Variants in CAPN8 observed in about 807,000 individuals in gnomAD.
The protein encoded by CAPN8 is calpain 8.
Under a neutral mutation model 80.9 loss-of-function variants are expected in CAPN8, and 87 were observed. The observed-to-expected ratio is 1.07, with a 90% confidence interval of 0.90 to 1.28. CAPN8 has a LOEUF of 1.28. Ranked by LOEUF, CAPN8 falls within the 50% of genes most tolerant of loss-of-function variation. CAPN8 has a pLI of 0.00. For synonymous variants in CAPN8, 299 were observed against 273.8 expected, an observed-to-expected ratio of 1.09 and a Z score of -0.91; for missense variants, 757 against 702.0, an observed-to-expected ratio of 1.08 and a Z score of -0.89.
intron 10 of CAPN8, among the ~76,000 whole-genome samples, chr1:223,614,779 C>T (rs907007348): frequency 2.0e-5 from 3 of 152,204 alleles, no homozygotes; most frequent in Admixed American, 6.5e-5. Flanking sequence ...TAGATGCTCA[C>T]TACAGTTTGT....
intron 15 of CAPN8, among the ~76,000 whole-genome samples, chr1:223,549,961 G>A (rs951794221): frequency 6.6e-6 from 1 of 152,188 alleles, no homozygotes; most frequent in Non-Finnish European, 1.5e-5. Flanking sequence ...GTCACAACCA[G>A]TAGGGGGCAA....
rs529585726 is a variant in CAPN8 at position 223,654,358 on chromosome 1, C to T, written c.279G>A (p.Thr93=). The T allele has an allele frequency of 8.1e-5, 126 of 1,551,674 alleles. No individual in the cohort carries two copies. The highest frequency in any genetic ancestry group is 9.9e-5 in the Non-Finnish European group (113 of 1,146,974). The change falls in exon 2 of 21, where the codon ACG becomes ACA. Residue 93 remains threonine, a synonymous_variant. Coordinates refer to ENST00000366872, the MANE Select transcript of CAPN8 (RefSeq NM_001143962.2). ...PSPQFIVGGA[T]RTDICQGGLG... ...GACCACCCTGACAAATGTCTGTGCG[C>T]GTGGCTCCACCAACGATAAACTGAG...
At chr1:223,622,347 C>A (rs1459824765) in intron 7 of CAPN8, among the ~76,000 whole-genome samples, 1 of 152,108 alleles carries the variant, frequency 6.6e-6, no homozygotes, top group African/African-American at 2.4e-5. Context: ...GAGCGAGTGC[C>A]GCTGCCTCAT....
At chr1:223,620,901 G>A (rs1057064096) in intron 7 of CAPN8, among the ~76,000 whole-genome samples, 6 of 151,642 alleles carry the variant, frequency 4.0e-5, no homozygotes, top group Admixed American at 6.6e-5. Context: ...TGACCTTTAC[G>A]AAGTTAGGTT....
chr1:223,634,593 T>C (rs1390435389), intron 2 of CAPN8, among the ~76,000 whole-genome samples: 1 of 152,164 alleles, frequency 6.6e-6, no homozygotes, highest in African/African-American at 2.4e-5. Context: ...AACACAAGTC[T>C]AGAGGCTGGG....
In CAPN8 at chr1:223,641,366, T is replaced by TTAA. The variant is rs1553338764; in HGVS notation, c.308-12587_308-12586insTTA. On this transcript the variant is annotated intron_variant, in intron 2 of 20. Transcript: ENST00000366872. ...GTAAGATACTGATCAAGCCTTTTTT[T>TTAA]AAAAAAAAAAAAACTGTTTACTAAG... Among the ~76,000 whole-genome samples the TTAA allele has an allele frequency of 3.4e-4, 50 of 146,138 alleles. 1 individual carries two copies. The highest frequency in any genetic ancestry group is 3.6e-3 in the Middle Eastern group (1 of 276).
At chr1:223,656,766 C>T (rs1658505618) in intron 1 of CAPN8, among the ~76,000 whole-genome samples, 1 of 148,514 alleles carries the variant, frequency 6.7e-6, no homozygotes. Flanking sequence ...TCACTGCAAG[C>T]TCCGCCTCCC....
chr1:223,622,673 C>T, intron 7 of CAPN8, 142 bp downstream of exon 7: 1 of 678,084 alleles, frequency 1.5e-6, no homozygotes, highest in Non-Finnish European at 2.6e-6. Context: ...CCATTTAATA[C>T]TCTTTTCTGA....
chr1:223,658,213 A>C (rs1469098499), intron 1 of CAPN8, among the ~76,000 whole-genome samples: 1 of 152,162 alleles, frequency 6.6e-6, no homozygotes, highest in Non-Finnish European at 1.5e-5. Flanking sequence ...TGTATCTTCA[A>C]TTACCTGTGT....
At chr1:223,548,288 T>C (rs1417507122) in intron 16 of CAPN8, among the ~76,000 whole-genome samples, 1 of 152,206 alleles carries the variant, frequency 6.6e-6, no homozygotes, top group African/African-American at 2.4e-5. Context: ...GGACCCACTG[T>C]GGGCAAAGCT....
At chr1:223,610,169 A>G (rs1360321358) in intron 11 of CAPN8, among the ~76,000 whole-genome samples, 2 of 152,246 alleles carry the variant, frequency 1.3e-5, no homozygotes, top group Non-Finnish European at 2.9e-5. Flanking sequence ...GACAGAGGCC[A>G]GGTGCTGATA....
intron 2 of CAPN8, among the ~76,000 whole-genome samples, chr1:223,633,267 T>C (rs1031079209): frequency 1.3e-5 from 2 of 151,632 alleles, no homozygotes; most frequent in African/African-American, 4.8e-5. Flanking sequence ...AATTCCAAAA[T>C]AAAGTTGGGA....
intron 2 of CAPN8, among the ~76,000 whole-genome samples, chr1:223,637,436 CCT>C (rs1255915232): frequency 1.3e-5 from 2 of 152,278 alleles, no homozygotes; most frequent in East Asian, 3.9e-4. Context: ...CACCTGCTCC[CCT>C]GATTCCCATC....
chr1:223,545,185 A>C (rs375967624), intron 17 of CAPN8, 46 bp downstream of exon 17: 10 of 1,551,536 alleles, frequency 6.4e-6, no homozygotes, highest in Non-Finnish European at 6.1e-6. Flanking sequence ...AGTGTAAGGG[A>C]GGATTAGAAC....
intron 2 of CAPN8, 86 bp from the exon 3 acceptor site, chr1:223,628,866 A>C (rs924944713): frequency 9.2e-7 from 1 of 1,089,462 alleles, no homozygotes; most frequent in Non-Finnish European, 1.3e-6. Context: ...TTCAACCCAG[A>C]GTCCACGTTG....
chr1:223,622,980 C>T, intron 6 of CAPN8, 80 bp from the exon 7 acceptor site: 3 of 1,167,806 alleles, frequency 2.6e-6, no homozygotes, highest in Non-Finnish European at 3.7e-6. Flanking sequence ...CTGACAGGAT[C>T]TGCATTAAAT....
intron 7 of CAPN8, among the ~76,000 whole-genome samples, chr1:223,620,791 G>A (rs1439470811): frequency 6.6e-6 from 1 of 152,042 alleles, no homozygotes; most frequent in East Asian, 1.9e-4. Context: ...CCAGTTTTAC[G>A]GCAATTTCCC....
At chr1:223,631,563 G>T (rs1657775205) in intron 2 of CAPN8, among the ~76,000 whole-genome samples, 1 of 152,144 alleles carries the variant, frequency 6.6e-6, no homozygotes, top group Non-Finnish European at 1.5e-5. Flanking sequence ...CCAGCAGGTG[G>T]CTGACACACA....
rs765211013 is a variant in CAPN8, at chr1:223,665,677, G to A, written c.-31C>T. ...TGGGCTCTGTAGGGTGGACAGAAGG[G>A]CAGGGCTGCACTGTACTCTCAGACA... On this transcript the variant is annotated 5_prime_UTR_variant, in exon 1 of 21. Coordinates refer to ENST00000366872, the MANE Select transcript of CAPN8 (RefSeq NM_001143962.2). 1.3e-6 allele frequency: 2 copies of A among 1,519,428 alleles called. No individual in the cohort carries two copies. Among genetic ancestry groups the A allele is most frequent in the East Asian group, 4.9e-5 (2 of 40,800 alleles). 94.1% of individuals were successfully genotyped at this position (1,519,428 alleles called of 1,614,324 possible). A position where few individuals can be genotyped will look rare whatever the true frequency, so the allele number is the denominator to read the frequency against.
Sources: allele counts gnomAD v4.1 joint callset (sites outside exome capture counted in the v4.1 genomes callset), GRCh38; gene constraint gnomAD v4.1.1; transcripts MANE v1.5; gene names NCBI Gene and HGNC (gene_info 2026-07-23, HGNC 2026-07-21).